The following STAB1 variants were observed in gnomAD, a reference collection of about 807,000 sequenced individuals.
STAB1 encodes stabilin-1.
A neutral mutation model predicts 332.4 loss-of-function variants in STAB1; 250 were observed. The observed-to-expected ratio is 0.75, with a 90% CI of 0.68 to 0.84. The LOEUF (loss-of-function observed/expected upper bound fraction) is 0.84, where lower values mean the gene tolerates loss of function less well. STAB1 is among the 40% of genes least tolerant of loss of function. The pLI, the probability that STAB1 is intolerant of heterozygous loss-of-function variation, is 0.00. For missense variants in STAB1, 3,249 were observed against 3,489.7 expected, an observed-to-expected ratio of 0.93 and a Z score of 1.74; for synonymous variants, 1,475 against 1,390.4, an observed-to-expected ratio of 1.06 and a Z score of -1.35.
rs199512807 is a variant in STAB1, at chr3:52,519,306, G to A, written c.5077G>A (p.Asp1693Asn). ...TGACTTCGCGCGCGTGGTGAGCAGC[G>A]ACCATGAGGCCGTGAACGGCATCCT... ...LNDFARVVSSDHEAVNGILHF... is the reference protein window; with the variant it reads ...LNDFARVVSSNHEAVNGILHF... The change falls in exon 49 of 69, where the codon GAC (aspartate) becomes AAC (asparagine). Residue 1693 changes from aspartate (D) to asparagine (N), a missense_variant. Coordinates refer to ENST00000321725, the MANE Select transcript of STAB1 (RefSeq NM_015136.3). 1.9e-6 allele frequency: 3 copies of A among 1,613,042 alleles called. No individual in the cohort carries two copies. Among genetic ancestry groups the A allele is most frequent in the Non-Finnish European group, 2.5e-6 (3 of 1,179,994 alleles).
Position 52,502,743 on chromosome 3 carries a change from G to A in STAB1, c.583+16G>A, listed in dbSNP as rs759775901. 2.5e-6 allele frequency: 4 copies of A among 1,610,740 alleles called. No individual in the cohort carries two copies. In the South Asian group the frequency reaches 4.4e-5, roughly 18 times the overall value. On this transcript the variant is annotated intron_variant, in intron 6 of 68. Coordinates refer to ENST00000321725, the MANE Select transcript of STAB1 (RefSeq NM_015136.3). ...TGTGATCAAGGTGAGCAGCGCCACT[G>A]GGATAGCCTAGGGCAGCAGGTCCCT... is the stretch of plus-strand genomic sequence containing the variant.
At chr3:52,518,906 C>CCCCGCCCCGCCCCCT (rs61350150) in intron 48 of STAB1, 37 bp downstream of exon 48, 1 of 1,434,632 alleles carries the variant, frequency 7.0e-7, no homozygotes, top group Non-Finnish European at 9.2e-7. Context: ...CTCCATCCCG[C>CCCCGCCCCGCCCCCT]CCCGCCCCGC....
At chr3:52,508,108 G>C (rs978224986) in intron 20 of STAB1, 82 bp downstream of exon 20, 1 of 1,447,054 alleles carries the variant, frequency 6.9e-7, no homozygotes, top group African/African-American at 1.4e-5. Context: ...GGGCTGAGTG[G>C]GCTCCCTCCC....
At chr3:52,516,817 T>C in intron 41 of STAB1, 49 bp downstream of exon 41, 2 of 1,593,722 alleles carry the variant, frequency 1.3e-6, no homozygotes, top group African/African-American at 1.3e-5. Flanking sequence ...TTGGGGTGGC[T>C]GTCCCCACAG....
chr3:52,501,380 C>T (rs1708431621), intron 2 of STAB1, 78 bp downstream of exon 2: 1 of 1,570,592 alleles, frequency 6.4e-7, no homozygotes, highest in Non-Finnish European at 8.7e-7. Flanking sequence ...CTGACAGGCC[C>T]ACAAAATGAG....
rs1708515694 is a variant in STAB1, at chr3:52,502,355, C to T, written c.487+127C>T. 3.8e-6 allele frequency: 4 copies of T among 1,051,642 alleles called. No homozygotes were observed. The Admixed American group carries it at 8.3e-5, about 22-fold the overall frequency. 65.1% of individuals were successfully genotyped at this position (1,051,642 alleles called of 1,614,324 possible). ...CCCAGCCCCTCAGATTTGCACATCCCTTTCAGGAACATGTGCTTTGTTTTA... is the reference window on the plus strand; with the variant it reads ...CCCAGCCCCTCAGATTTGCACATCCTTTTCAGGAACATGTGCTTTGTTTTA... On this transcript the variant is annotated intron_variant, in intron 5 of 68. Coordinates refer to ENST00000321725, the MANE Select transcript of STAB1 (RefSeq NM_015136.3).
chr3:52,513,806 G>A lies in STAB1; in HGVS notation c.3348+12G>A. 3 of 1,613,398 alleles carry A rather than the reference G, an allele frequency of 1.9e-6. No homozygotes were observed. The highest frequency in any genetic ancestry group is 2.5e-6 in the Non-Finnish European group (3 of 1,179,992). On this transcript the variant is annotated intron_variant, in intron 31 of 68. Transcript: ENST00000321725. The stretch of plus-strand genomic sequence containing the variant: ...ACATCCTCAGCCAGGTACAGCAGGA[G>A]GAGGGTGTGTGCAGGGAAACTTGCA...
chr3:52,504,327 C>T, intron 10 of STAB1, 134 bp from the exon 11 acceptor site: 2 of 1,335,246 alleles, frequency 1.5e-6, no homozygotes, highest in South Asian at 1.3e-5. Flanking sequence ...AACCTCAAGG[C>T]CCCCATCTAC....
In STAB1 at chr3:52,508,283, G is replaced by T; in HGVS notation, c.2159G>T (p.Cys720Phe). 1 of 1,613,166 alleles carries T rather than the reference G, an allele frequency of 6.2e-7. No individual in the cohort carries two copies. The highest frequency in any genetic ancestry group is 2.2e-5 in the East Asian group (1 of 44,870). ...YCNQTIMEQG[C>F]CKGFFGPDCT... ...TTCTGTCTCTTATAGGAACAAGGCT[G>T]CTGCAAAGGTTTTTTCGGGCCTGAC... The change falls in exon 21 of 69, where the codon TGC becomes TTC. Residue 720 changes from cysteine (C) to phenylalanine (F), a missense_variant. Coordinates refer to ENST00000321725, the MANE Select transcript of STAB1 (RefSeq NM_015136.3).
In STAB1 at chr3:52,517,406, G is replaced by A. The variant is rs2078910036; in HGVS notation, c.4563+13G>A. On this transcript the variant is annotated intron_variant, in intron 43 of 68. Coordinates refer to ENST00000321725, the MANE Select transcript of STAB1 (RefSeq NM_015136.3). ...TGGCCCCCAGCAGGTCAGCATGGCAGGGTTGGACATGGGGCATCATGCCAT... is the reference window on the plus strand; with the variant it reads ...TGGCCCCCAGCAGGTCAGCATGGCAAGGTTGGACATGGGGCATCATGCCAT... 6.3e-7 allele frequency: 1 copy of A among 1,596,270 alleles called. No homozygotes were observed. The highest frequency in any genetic ancestry group is 1.7e-5 in the Admixed American group (1 of 57,344).
intron 32 of STAB1, 21 bp downstream of exon 32, chr3:52,514,002 G>A (rs202182196): frequency 1.1e-4 from 177 of 1,593,784 alleles, no homozygotes; most frequent in Non-Finnish European, 1.5e-4. Flanking sequence ...CTGGCAAGAG[G>A]GGATGTGCCT....
intron 26 of STAB1, 63 bp downstream of exon 26, chr3:52,511,808 C>T: frequency 7.8e-7 from 1 of 1,277,778 alleles, no homozygotes; most frequent in South Asian, 1.4e-5. Context: ...GGCTGCAGCT[C>T]TCTCCCTCCC....
chr3:52,504,339 C>T, intron 10 of STAB1, 122 bp from the exon 11 acceptor site: 1 of 1,373,928 alleles, frequency 7.3e-7, no homozygotes, highest in Non-Finnish European at 1.0e-6. Flanking sequence ...CCCATCTACC[C>T]TAAATCTAGG....
Position 52,513,961 on chromosome 3 carries a change from C to A in STAB1, c.3427C>A (p.Leu1143Ile). The change falls in exon 32 of 69, where the codon CTC becomes ATC. Residue 1143 changes from leucine (L) to isoleucine (I), a missense_variant. Coordinates refer to ENST00000321725, the MANE Select transcript of STAB1 (RefSeq NM_015136.3). ...GCTGGACTTGGTGCCTGCCTTCAGC[C>A]TCTTCCGGGAATTGCTGCAGGTACG... ...QQLDLVPAFS[L>I]FRELLQHHGL... is the part of the protein sequence containing the mutation. The A allele has an allele frequency of 1.2e-6, 2 of 1,604,790 alleles. No individual in the cohort carries two copies. The highest frequency in any genetic ancestry group is 1.3e-5 in the African/African-American group (1 of 74,952).
Position 52,513,734 on chromosome 3 carries a change from T to A in STAB1, c.3288T>A (p.Asn1096Lys), listed in dbSNP as rs763509009. The stretch of plus-strand genomic sequence containing the variant: ...CCTTCCAGAGGGTCTGGGTGCAGAA[T>A]GCCAGCGTGGATGTGGCTGACCTCC... ...RNISGRVWVQ[N>K]ASVDVADLLA... The change falls in exon 31 of 69, where the codon AAT becomes AAA. Residue 1096 changes from asparagine (N) to lysine (K), a missense_variant. Coordinates refer to ENST00000321725, the MANE Select transcript of STAB1 (RefSeq NM_015136.3). 5 of 1,613,280 alleles carry A rather than the reference T, an allele frequency of 3.1e-6. No homozygotes were observed. In the East Asian group the frequency reaches 1.1e-4, roughly 36 times the overall value.
At position 52,517,003 on chromosome 3, in the gene STAB1, C is replaced by A. The variant is rs142936515; in HGVS notation, c.4383C>A (p.His1461Gln). The A allele has an allele frequency of 6.2e-7, 1 of 1,610,032 alleles. No homozygotes were observed. ...CCTTAGAGGTGGACCCCTGCGCCCA[C>A]GGCCATGGGGGCTGCTCCCCTCATG... ...IFCSEVDPCA[H>Q]GHGGCSPHAN... The change falls in exon 42 of 69, where the codon CAC becomes CAA. Residue 1461 changes from histidine to glutamine, a missense_variant. Coordinates refer to ENST00000321725, the MANE Select transcript of STAB1 (RefSeq NM_015136.3).
At position 52,524,069 on chromosome 3, in the gene STAB1, G is replaced by A. The variant is rs199555075; in HGVS notation, c.7543-31G>A. On this transcript the variant is annotated intron_variant, in intron 67 of 68. Coordinates refer to ENST00000321725, the MANE Select transcript of STAB1 (RefSeq NM_015136.3). ...CGGGTCCTTGGATCTCGCTTGAGGC[G>A]CCTCGCCACTCACCCCTCTGCTGCT... The A allele has an allele frequency of 4.7e-3, 7,527 of 1,612,824 alleles. 23 individuals carry two copies. Among genetic ancestry groups the A allele is most frequent in the Non-Finnish European group, 5.5e-3 (6,499 of 1,179,922 alleles).
At position 52,522,859 on chromosome 3, in the gene STAB1, A is replaced by T; in HGVS notation, c.6829A>T (p.Asn2277Tyr). ...GGTTTTCCCTGTGGCGGACTGTGGC[A>T]ATGGTCGGGTGGGCATAGTCAGCCT... The part of the protein sequence containing the change: ...PVVFPVADCG[N>Y]GRVGIVSLGA... Residue 2277 changes from asparagine to tyrosine, a missense_variant, in exon 62 of 69, where the codon AAT (asparagine) becomes TAT (tyrosine). By Grantham distance (143) the Asn-to-Tyr change is moderately radical (BLOSUM62 -2). Transcript: ENST00000321725. The T allele has an allele frequency of 6.2e-7, 1 of 1,613,270 alleles. No homozygotes were observed. The highest frequency in any genetic ancestry group is 8.5e-7 in the Non-Finnish European group (1 of 1,180,010).
rs371001708 is a variant in STAB1 at position 52,503,998 on chromosome 3, C to T, written c.1023-30C>T. 2.5e-5 allele frequency: 41 copies of T among 1,609,430 alleles called. 1 individual carries two copies. In the South Asian group the frequency reaches 3.1e-4, roughly 12 times the overall value. Reference sequence around the variant, plus strand: ...GTGCGGTGGGGGGGGCCTCAGCCTCCGCCCTGACTGGCTCTCCCTGGGAGC... The same window carrying T: ...GTGCGGTGGGGGGGGCCTCAGCCTCTGCCCTGACTGGCTCTCCCTGGGAGC... On this transcript the variant is annotated intron_variant, in intron 9 of 68. Coordinates refer to ENST00000321725, the MANE Select transcript of STAB1 (RefSeq NM_015136.3).
Sources: allele counts gnomAD v4.1 joint callset, GRCh38; gene constraint gnomAD v4.1.1; transcripts MANE v1.5; gene names NCBI Gene and HGNC (gene_info 2026-07-23, HGNC 2026-07-21).